The following MYO16 variants were observed in gnomAD, a reference collection of about 807,000 sequenced individuals.
The protein encoded by MYO16 is unconventional myosin-XVI.
Under a neutral mutation model 205.3 loss-of-function variants are expected in MYO16, and 94 were observed. The ratio of observed to expected loss-of-function variants is 0.46; its 90% confidence interval spans 0.39 to 0.54. The LOEUF is 0.54. Among genes scored for constraint, MYO16 ranks in the 20% least tolerant of loss-of-function variants. The pLI, the probability that MYO16 is intolerant of heterozygous loss-of-function variation, is 0.00. For missense variants in MYO16, 2,315 were observed against 2,387.5 expected (o/e 0.97, Z 0.63); for synonymous variants, 988 against 954.0 (o/e 1.04, Z -0.66).
At chr13:108,561,795 G>A in the MYO16 span, among the ~76,000 whole-genome samples, 1 of 152,160 alleles carries the variant, frequency 6.6e-6, no homozygotes, top group Non-Finnish European at 1.5e-5. Context: ...AATGAGATGA[G>A]CTTCTCAAGT....
chr13:109,009,057 TA>T lies in MYO16; in HGVS notation c.2595+9del. 1 of 1,574,450 alleles carries T rather than the reference TA, an allele frequency of 6.4e-7. No individual in the cohort carries two copies. The highest frequency in any genetic ancestry group is 8.6e-7 in the Non-Finnish European group (1 of 1,163,204). On this transcript the variant is annotated intron_variant, in intron 22 of 34. Coordinates refer to ENST00000457511, the MANE Select transcript of MYO16 (RefSeq NM_001198950.3). ...TTGGACTTTTTTTTCCAGGTATTCA[TA>T]TAATATAATTAGATACTTAACAGGA... is the stretch of plus-strand genomic sequence containing the variant.
At chr13:108,767,591 C>A (rs1315865593) in intron 4 of MYO16, among the ~76,000 whole-genome samples, 1 of 152,034 alleles carries the variant, frequency 6.6e-6, no homozygotes. Context: ...CATTTGCAAG[C>A]ATTTCTTGCC....
At chr13:108,600,015 C>T (rs1391406581) in intron 1 of MYO16, among the ~76,000 whole-genome samples, 1 of 152,132 alleles carries the variant, frequency 6.6e-6, no homozygotes, top group African/African-American at 2.4e-5. Context: ...TATTTTTAGA[C>T]ACACCCCCAG....
At chr13:108,546,442 A>G in the MYO16 span, among the ~76,000 whole-genome samples, 2 of 152,136 alleles carry the variant, frequency 1.3e-5, no homozygotes, top group African/African-American at 4.8e-5. Context: ...TGGCAATGCA[A>G]TATCTCTGGA....
chr13:109,140,154 T>C lies in MYO16; in HGVS notation c.4052-110T>C. 1.3e-6 allele frequency: 2 copies of C among 1,502,212 alleles called. No homozygotes were observed. The highest frequency in any genetic ancestry group is 2.5e-5 in the East Asian group (1 of 40,700). 93.1% of individuals were successfully genotyped at this position (1,502,212 alleles called of 1,614,324 possible). On this transcript the variant is annotated intron_variant, in intron 31 of 34. Coordinates refer to ENST00000457511, the MANE Select transcript of MYO16 (RefSeq NM_001198950.3). This position sits in a 1 kb window ranked among gnomAD's most constrained non-coding sequence, Gnocchi z 8.0. ...GGAGGAACATGCAGGCCCGGTCCCT[T>C]GGGATTCTCGGGGCACGGGGCCGTG...
intron 16 of MYO16, among the ~76,000 whole-genome samples, chr13:108,942,060 T>G (rs1377111945): frequency 6.6e-6 from 1 of 152,224 alleles, no homozygotes; most frequent in Non-Finnish European, 1.5e-5. Flanking sequence ...ATTTGCAGTA[T>G]AGTATATACA....
intron 10 of MYO16, 33 bp downstream of exon 10, chr13:108,844,526 C>T: frequency 6.5e-7 from 1 of 1,544,722 alleles, no homozygotes; most frequent in Non-Finnish European, 8.8e-7. Context: ...TCTACCAGTA[C>T]TTTTTCATAT....
At chr13:109,206,512 A>G in intron 34 of MYO16, 97 bp from the exon 35 acceptor site, 1 of 892,282 alleles carries the variant, frequency 1.1e-6, no homozygotes, top group Non-Finnish European at 1.8e-6. Flanking sequence ...TTTCAGCACC[A>G]GTCCTGCCCC....
intron 16 of MYO16, among the ~76,000 whole-genome samples, chr13:108,946,604 AT>A (rs1333030237): frequency 6.6e-6 from 1 of 152,190 alleles, no homozygotes; most frequent in Admixed American, 6.5e-5. Context: ...ATGACATTTA[AT>A]TTTTTGTTAA....
At chr13:109,102,164 C>G (rs896829618) in intron 28 of MYO16, among the ~76,000 whole-genome samples, 2 of 151,748 alleles carry the variant, frequency 1.3e-5, no homozygotes, top group African/African-American at 4.8e-5. Context: ...CTTACTCAGT[C>G]TGAAGTTGTC....
chr13:108,864,585 T>C (rs375781857), intron 11 of MYO16, among the ~76,000 whole-genome samples: 24 of 152,204 alleles, frequency 1.6e-4, no homozygotes, highest in South Asian at 8.3e-4. Flanking sequence ...CTGGAATACA[T>C]TGGTGAGATA....
chr13:108,636,749 TATA>T (rs1461910150), intron 1 of MYO16, among the ~76,000 whole-genome samples: 7 of 152,192 alleles, frequency 4.6e-5, no homozygotes, highest in East Asian at 1.9e-4. Flanking sequence ...AAAAATGTAT[TATA>T]ATAAGATCTA....
intron 29 of MYO16, among the ~76,000 whole-genome samples, chr13:109,121,677 G>T (rs1162589018): frequency 1.3e-5 from 2 of 152,176 alleles, no homozygotes; most frequent in Non-Finnish European, 2.9e-5. Context: ...CAGGGGCCTG[G>T]CAGGAGCCAT....
the MYO16 span, among the ~76,000 whole-genome samples, chr13:108,503,567 T>C: frequency 6.6e-6 from 1 of 152,134 alleles, no homozygotes; most frequent in Non-Finnish European, 1.5e-5. Context: ...GTTAATCCCA[T>C]GCCAGGAGAC....
chr13:109,173,670 C>A (rs1241963996), intron 33 of MYO16, among the ~76,000 whole-genome samples: 2 of 151,110 alleles, frequency 1.3e-5, no homozygotes, highest in Middle Eastern at 3.4e-3. Flanking sequence ...CTGAGGCAGG[C>A]GGATTACAAG....
chr13:109,012,362 C>G (rs543819963), intron 22 of MYO16, among the ~76,000 whole-genome samples: 4 of 152,238 alleles, frequency 2.6e-5, no homozygotes, highest in Admixed American at 6.5e-5. Context: ...ATCTCACCGC[C>G]TGAGCTCCAG....
At chr13:109,161,900 C>G (rs1256857307) in intron 32 of MYO16, among the ~76,000 whole-genome samples, 2 of 152,124 alleles carry the variant, frequency 1.3e-5, no homozygotes, top group Admixed American at 1.3e-4. Flanking sequence ...CCAACCTGAC[C>G]AACATGATGA....
rs1242275218 is a variant in MYO16 at position 109,054,265 on chromosome 13, C to T, written c.3049-781C>T. 2.0e-5 allele frequency: 7 copies of T among 349,274 alleles called. No individual in the cohort carries two copies. The Admixed American group carries it at 2.4e-4, about 12-fold the overall frequency. 21.6% of individuals were successfully genotyped at this position (349,274 alleles called of 1,614,324 possible). On this transcript the variant is annotated intron_variant, in intron 25 of 34. Coordinates refer to ENST00000457511, the MANE Select transcript of MYO16 (RefSeq NM_001198950.3). ...TTCTTTTCAGGGCTGCACATATTTGCTTATTTGAAAAAAAATAGAGTCTAC... is the reference window on the plus strand; with the variant it reads ...TTCTTTTCAGGGCTGCACATATTTGTTTATTTGAAAAAAAATAGAGTCTAC...
At chr13:108,681,490 T>G (rs1882460285) in intron 2 of MYO16, among the ~76,000 whole-genome samples, 1 of 152,234 alleles carries the variant, frequency 6.6e-6, no homozygotes, top group Non-Finnish European at 1.5e-5. Context: ...AATTGTGTTC[T>G]GTGTGGGAGG....
Sources: allele counts gnomAD v4.1 joint callset (sites outside exome capture counted in the v4.1 genomes callset), GRCh38; gene constraint gnomAD v4.1.1; non-coding constraint Gnocchi (gnomAD v3.1); transcripts MANE v1.5; gene names NCBI Gene and HGNC (gene_info 2026-07-23, HGNC 2026-07-21).